RGPD2: variants seen among roughly 807,000 people sequenced by gnomAD.
The protein encoded by RGPD2 is RANBP2 like and GRIP domain containing 2, also known as RANBP2-like and GRIP domain-containing protein 2.
In RGPD2, 2 loss-of-function variants were observed where a neutral mutation model predicts 36.0. That is an observed-to-expected ratio of 0.06 (90% CI 0.02 to 0.17). The LOEUF is 0.17. RGPD2 is among the 10% of genes least tolerant of loss of function. RGPD2 has a pLI of 1.00. For synonymous variants in RGPD2, 19 were observed against 163.8 expected (o/e 0.12, Z 6.75); for missense variants, 40 against 464.3 (o/e 0.09, Z 8.40).
At chr2:87,815,207 G>A (rs867569838) in intron 4 of RGPD2, among the ~76,000 whole-genome samples, 2 of 142,398 alleles carry the variant, frequency 1.4e-5, no homozygotes, top group Admixed American at 6.9e-5. Context: ...GCTTTGGTCG[G>A]GTTAAACAGG....
chr2:87,809,426 T>C (rs1686075567), intron 6 of RGPD2, among the ~76,000 whole-genome samples: 1 of 143,864 alleles, frequency 7.0e-6, no homozygotes, highest in African/African-American at 2.5e-5. Flanking sequence ...CCCAACACTT[T>C]GGGAGGCCGA....
At chr2:87,824,794 GGCC>G (rs1248753223) in intron 1 of RGPD2, 8 of 21,310 alleles carry the variant, frequency 3.8e-4, no homozygotes, top group Admixed American at 1.2e-3. Context: ...CCGAGGCCGA[GGCC>G]GCCGCCGCCG....
At chr2:87,841,402 A>C in the RGPD2 span, among the ~76,000 whole-genome samples, 1 of 152,148 alleles carries the variant, frequency 6.6e-6, no homozygotes, top group African/African-American at 2.4e-5. Flanking sequence ...TAAATTACCC[A>C]GTTTCAGATA....
chr2:87,974,954 T>C, the RGPD2 span, among the ~76,000 whole-genome samples: 1 of 152,048 alleles, frequency 6.6e-6, no homozygotes, highest in Non-Finnish European at 1.5e-5. Flanking sequence ...CTCTGTTTAA[T>C]CCCCCATTAG....
chr2:87,911,808 A>C, the RGPD2 span, among the ~76,000 whole-genome samples: 414 of 152,054 alleles, frequency 2.7e-3, 1 homozygote, highest in Non-Finnish European at 5.1e-3. Flanking sequence ...GCCTTTGAAC[A>C]CTTTGAGTTT....
At chr2:87,807,250 T>C (rs1685985228) in intron 6 of RGPD2, among the ~76,000 whole-genome samples, 1 of 143,628 alleles carries the variant, frequency 7.0e-6, no homozygotes, top group Admixed American at 6.8e-5. Context: ...AATTTCATTA[T>C]TTAATTAACA....
At chr2:87,855,024 G>A in the RGPD2 span, among the ~76,000 whole-genome samples, 1 of 152,246 alleles carries the variant, frequency 6.6e-6, no homozygotes, top group Non-Finnish European at 1.5e-5. Context: ...GTGTGTGTGT[G>A]TATAAGGAGG....
the RGPD2 span, among the ~76,000 whole-genome samples, chr2:87,967,148 CTG>C: frequency 1.8e-4 from 24 of 131,922 alleles, no homozygotes; most frequent in East Asian, 5.0e-3. Context: ...TGGCTCATGC[CTG>C]TAATCCCCGC....
intron 1 of RGPD2, 83 bp downstream of exon 1, chr2:87,825,575 G>A (rs1342070375): frequency 3.8e-5 from 40 of 1,053,716 alleles, no homozygotes; most frequent in African/African-American, 1.0e-4. Flanking sequence ...CCGCCGCCCG[G>A]CCAGGTCGAG....
At chr2:87,985,710 C>G in the RGPD2 span, 1 of 1,554,696 alleles carries the variant, frequency 6.4e-7, no homozygotes, top group African/African-American at 1.4e-5. Flanking sequence ...ATAAAGAAAA[C>G]AATTGTATTT....
the RGPD2 span, among the ~76,000 whole-genome samples, chr2:87,837,388 A>C: frequency 2.0e-5 from 3 of 149,010 alleles, no homozygotes; most frequent in African/African-American, 7.4e-5. Context: ...CCACAGTGCA[A>C]TATAAATAGA....
At chr2:87,864,971 G>A in the RGPD2 span, among the ~76,000 whole-genome samples, 15 of 151,884 alleles carry the variant, frequency 9.9e-5, no homozygotes, top group African/African-American at 2.2e-4. Flanking sequence ...GTGACCATTC[G>A]TGCAGTACCC....
the RGPD2 span, among the ~76,000 whole-genome samples, chr2:87,964,136 C>G: frequency 2.0e-5 from 3 of 152,206 alleles, no homozygotes; most frequent in Non-Finnish European, 4.4e-5. Context: ...CGCCCAGCAT[C>G]CAAAGAGAGA....
the RGPD2 span, among the ~76,000 whole-genome samples, chr2:87,879,383 T>A: frequency 2.3e-4 from 35 of 152,056 alleles, no homozygotes; most frequent in Non-Finnish European, 1.0e-4. Flanking sequence ...AAATACTAGG[T>A]CTTTATTCAT....
At chr2:87,883,510 G>C in the RGPD2 span, among the ~76,000 whole-genome samples, 1 of 151,778 alleles carries the variant, frequency 6.6e-6, no homozygotes. Context: ...TTCAGTTAAA[G>C]GGCTTAGTGT....
the RGPD2 span, among the ~76,000 whole-genome samples, chr2:87,879,425 ACTCATTAACCATC>A: frequency 1.4e-5 from 2 of 146,658 alleles, no homozygotes; most frequent in Admixed American, 1.4e-4. Context: ...TTTTTTTTTA[ACTCATTAACCATC>A]CTCACATCCC....
the RGPD2 span, among the ~76,000 whole-genome samples, chr2:87,854,752 C>A: frequency 6.6e-6 from 1 of 151,980 alleles, no homozygotes; most frequent in African/African-American, 2.4e-5. Context: ...CGTATGAATG[C>A]ACCACAGTTT....
the RGPD2 span, among the ~76,000 whole-genome samples, chr2:87,909,878 AT>A: frequency 5.1e-4 from 76 of 150,082 alleles, no homozygotes; most frequent in African/African-American, 1.8e-3. Context: ...CATATGATTA[AT>A]TGGCTTGAGC....
the RGPD2 span, among the ~76,000 whole-genome samples, chr2:87,929,079 T>A: frequency 6.6e-6 from 1 of 152,136 alleles, no homozygotes; most frequent in Non-Finnish European, 1.5e-5. Context: ...CAATTTTTGC[T>A]TTTGTTGCAA....
Sources: gnomAD v4.1 joint callset for allele counts (sites outside exome capture counted in the v4.1 genomes callset) on GRCh38, gnomAD v4.1.1 for gene constraint, MANE v1.5 for transcripts, NCBI Gene and HGNC (gene_info 2026-07-23, HGNC 2026-07-21) for gene names.